The following MAML2 variants were observed in gnomAD, a reference collection of about 807,000 sequenced individuals.
The protein encoded by MAML2 is mastermind like transcriptional coactivator 2.
In MAML2, 22 loss-of-function variants were observed where a neutral mutation model predicts 96.1. That is an observed-to-expected ratio of 0.23 (90% CI 0.16 to 0.33). MAML2 has a LOEUF of 0.33. MAML2 is among the 10% of genes least tolerant of loss of function. MAML2 has a pLI of 1.00. For synonymous variants in MAML2, 561 were observed against 521.3 expected, an observed-to-expected ratio of 1.08 and a Z score of -1.04; for missense variants, 1,367 against 1,392.4, an observed-to-expected ratio of 0.98 and a Z score of 0.29.
At chr11:96,180,916 T>C (rs1009913277) in intron 1 of MAML2, among the ~76,000 whole-genome samples, 2 of 150,322 alleles carry the variant, frequency 1.3e-5, no homozygotes, top group Non-Finnish European at 3.0e-5. Flanking sequence ...AGGGGGTTTG[T>C]TCTCTGGCGG....
intron 2 of MAML2, among the ~76,000 whole-genome samples, chr11:96,042,471 C>T (rs985921682): frequency 3.3e-5 from 5 of 152,090 alleles, no homozygotes; most frequent in African/African-American, 1.2e-4. Context: ...GTGGTCTTCC[C>T]CACTGAGGTC....
chr11:96,003,198 GGATGATGGGGAT>G (rs1206919555), intron 2 of MAML2, among the ~76,000 whole-genome samples: 2 of 151,646 alleles, frequency 1.3e-5, no homozygotes, highest in Admixed American at 1.3e-4. Flanking sequence ...ATGATGATAA[GGATGATGGGGAT>G]GATGAGGAAG....
At position 95,979,891 on chromosome 11, in the gene MAML2, G is replaced by A. The variant is rs929920788; in HGVS notation, c.2528C>T (p.Thr843Ile). 6.8e-6 allele frequency: 11 copies of A among 1,613,974 alleles called. No individual in the cohort carries two copies. The highest frequency in any genetic ancestry group is 7.6e-6 in the Non-Finnish European group (9 of 1,179,872). ...AGTAGACAGGAGGCTGGAATTGGGA[G>A]TTAAAATGGTGTGTGTTGAAACTGG... ...ANPVSTHTIL[T>I]PNSSLLSTSH... Residue 843 changes from threonine (T) to isoleucine (I), a missense_variant, in exon 5 of 5, where the codon ACT (threonine) becomes ATT (isoleucine). Thr to Ile is a moderately conservative substitution (Grantham distance 89). Transcript: ENST00000524717.
chr11:96,117,763 C>T (rs893632614), intron 1 of MAML2, among the ~76,000 whole-genome samples: 4 of 152,228 alleles, frequency 2.6e-5, no homozygotes, highest in South Asian at 2.1e-4. Flanking sequence ...GAAAGCTCAC[C>T]ACACCCCAGG....
At chr11:96,320,018 A>G (rs1464314434) in intron 1 of MAML2, among the ~76,000 whole-genome samples, 1 of 152,220 alleles carries the variant, frequency 6.6e-6, no homozygotes, top group African/African-American at 2.4e-5. Context: ...TTCACTGATG[A>G]GAATTACCAG....
At chr11:96,018,602 T>A (rs1369785212) in intron 2 of MAML2, among the ~76,000 whole-genome samples, 1 of 152,186 alleles carries the variant, frequency 6.6e-6, no homozygotes, top group Non-Finnish European at 1.5e-5. Flanking sequence ...AAGTGATTAA[T>A]GGATTCGATG....
intron 1 of MAML2, among the ~76,000 whole-genome samples, chr11:96,209,931 C>G (rs16923291): frequency 1.3e-5 from 2 of 152,074 alleles, no homozygotes; most frequent in South Asian, 4.1e-4. Flanking sequence ...TGGAGGCATA[C>G]TTTACGGTGA....
At chr11:96,090,035 T>A (rs534834016) in intron 2 of MAML2, among the ~76,000 whole-genome samples, 6 of 151,792 alleles carry the variant, frequency 4.0e-5, no homozygotes, top group Middle Eastern at 6.8e-3. Context: ...ATTTCCCTCA[T>A]ACGGATGAAA....
intron 1 of MAML2, among the ~76,000 whole-genome samples, chr11:96,296,033 C>T (rs1272726745): frequency 6.6e-6 from 1 of 151,888 alleles, no homozygotes; most frequent in African/African-American, 2.4e-5. Context: ...CATTTTCTTT[C>T]TCATTCTATT....
chr11:96,317,094 G>A (rs1337642816), intron 1 of MAML2, among the ~76,000 whole-genome samples: 2 of 152,050 alleles, frequency 1.3e-5, no homozygotes, highest in African/African-American at 2.4e-5. Context: ...GATGTTCCTC[G>A]GTGTCCTGTT....
chr11:96,041,877 C>A (rs67064078), intron 2 of MAML2, among the ~76,000 whole-genome samples: 1 of 151,124 alleles, frequency 6.6e-6, no homozygotes, highest in South Asian at 2.1e-4. Context: ...TGGCGCATCT[C>A]GGCTCATAGC....
At position 96,342,631 on chromosome 11, in the gene MAML2, A is replaced by G. The variant is rs1370689457; in HGVS notation, c.-736T>C. ...TGTTGTCTTCTCCCAAAAGAGGGAG[A>G]CAGCTTTTCAACTGTTAACAATGTC... is the stretch of plus-strand genomic sequence containing the variant. On this transcript the variant is annotated 5_prime_UTR_variant, in exon 1 of 5. Coordinates refer to ENST00000524717, the MANE Select transcript of MAML2 (RefSeq NM_032427.4). 1.0e-5 allele frequency: 4 copies of G among 388,190 alleles called. No individual in the cohort carries two copies. Among genetic ancestry groups the G allele is most frequent in the Non-Finnish European group, 1.4e-5 (3 of 220,116 alleles). The allele number at this position is 388,190 out of a possible 1,614,324, so 24.0% of individuals were successfully genotyped here.
At chr11:96,221,950 C>A (rs908685039) in intron 1 of MAML2, among the ~76,000 whole-genome samples, 1 of 152,130 alleles carries the variant, frequency 6.6e-6, no homozygotes, top group Non-Finnish European at 1.5e-5. Context: ...AATACATCAT[C>A]CCCTGTGTTT....
At chr11:96,150,658 G>T (rs1227751903) in intron 1 of MAML2, among the ~76,000 whole-genome samples, 6 of 152,064 alleles carry the variant, frequency 3.9e-5, no homozygotes, top group African/African-American at 9.7e-5. Flanking sequence ...ATTAATGAGC[G>T]ACCCATTCCC....
intron 1 of MAML2, among the ~76,000 whole-genome samples, chr11:96,284,020 C>G (rs150392791): frequency 7.7e-4 from 117 of 152,260 alleles, no homozygotes; most frequent in African/African-American, 2.6e-3. Context: ...ATCCTTCTAT[C>G]AAACTTTTCT....
rs7117638 is a variant in MAML2, at chr11:96,018,788, C to T, written c.2140-27065G>A. Among the ~76,000 whole-genome samples the T allele has an allele frequency of 5.5e-3, 839 of 152,224 alleles. 6 individuals carry two copies. Among genetic ancestry groups the T allele is most frequent in the African/African-American group, 0.02 (814 of 41,522 alleles). ...ATTTTTAGTAGAGATGGGGTTTCAC[C>T]ATGTTGGCCAGCCTGGTCTTGAACT... On this transcript the variant is annotated intron_variant, in intron 2 of 4. Transcript: ENST00000524717.
intron 1 of MAML2, among the ~76,000 whole-genome samples, chr11:96,307,049 C>T (rs1565279362): frequency 6.6e-6 from 1 of 152,168 alleles, no homozygotes; most frequent in South Asian, 2.1e-4. Context: ...TTCTGTACAG[C>T]TCACTCACAC....
chr11:96,219,523 T>A (rs1026499652), intron 1 of MAML2, among the ~76,000 whole-genome samples: 1 of 152,216 alleles, frequency 6.6e-6, no homozygotes, highest in Non-Finnish European at 1.5e-5. Context: ...GCACCGTGAT[T>A]TACAGCATGA....
At chr11:96,247,192 A>G (rs1207330520) in intron 1 of MAML2, among the ~76,000 whole-genome samples, 1 of 152,034 alleles carries the variant, frequency 6.6e-6, no homozygotes, top group Non-Finnish European at 1.5e-5. Flanking sequence ...TGACAAGTAT[A>G]TATCAGATTC....
Sources: gnomAD v4.1 joint callset for allele counts (sites outside exome capture counted in the v4.1 genomes callset) on GRCh38, gnomAD v4.1.1 for gene constraint, MANE v1.5 for transcripts, NCBI Gene and HGNC (gene_info 2026-07-23, HGNC 2026-07-21) for gene names.